The following EIF4A2 variants were observed in gnomAD, a reference collection of about 807,000 sequenced individuals.
EIF4A2 encodes the protein eukaryotic translation initiation factor 4A2, also known as eukaryotic initiation factor 4A-II.
In EIF4A2, 9 loss-of-function variants were observed where a neutral mutation model predicts 50.6. The ratio of observed to expected loss-of-function variants is 0.18; its 90% CI spans 0.11 to 0.31. The LOEUF (loss-of-function observed/expected upper bound fraction) is 0.31. Ranked by LOEUF, EIF4A2 falls within the 10% of genes least tolerant of loss-of-function variation. The probability of loss-of-function intolerance (pLI) is 1.00; values close to 1 mark genes in which losing one functional copy is unlikely to be tolerated. For synonymous variants in EIF4A2, 215 were observed against 164.4 expected, an observed-to-expected ratio of 1.31 and a Z score of -2.35; for missense variants, 182 against 501.8, an observed-to-expected ratio of 0.36 and a Z score of 6.09.
rs750299552 is a variant in EIF4A2 at position 186,787,103 on chromosome 3, AACTTT to A, written c.772-22_772-18del. ...GAGTTGGAAAAACTAAATGACTGTTAACTTTAACTTCTAAACATTACAGGAATGGA... is the reference window on the plus strand; with the variant it reads ...GAGTTGGAAAAACTAAATGACTGTTAAACTTCTAAACATTACAGGAATGGA... On this transcript the variant is annotated intron_variant, in intron 7 of 10. Coordinates refer to ENST00000323963, the MANE Select transcript of EIF4A2 (RefSeq NM_001967.4). 21 of 1,611,774 alleles carry A rather than the reference AACTTT, an allele frequency of 1.3e-5. No homozygotes were observed. The Middle Eastern group carries it at 6.1e-4, about 47-fold the overall frequency.
chr3:186,784,862 C>T (rs1721599794), intron 3 of EIF4A2, 100 bp from the exon 4 acceptor site: 6 of 1,604,748 alleles, frequency 3.7e-6, no homozygotes, highest in Non-Finnish European at 4.3e-6. Flanking sequence ...TTGCTGATCA[C>T]TTGATTATTT....
At chr3:186,785,346 C>G (rs944722241) in intron 4 of EIF4A2, 1 of 516,882 alleles carries the variant, frequency 1.9e-6, no homozygotes, top group Non-Finnish European at 3.3e-6. Context: ...GATCTGTCCC[C>G]ATTTTTTAAG....
chr3:186,787,702 T>TGG, intron 9 of EIF4A2, 101 bp from the exon 10 acceptor site: 1 of 1,575,212 alleles, frequency 6.3e-7, no homozygotes. Flanking sequence ...CACTCCACAG[T>TGG]GGGCTATACC....
rs759987412 is a variant in EIF4A2, at chr3:186,784,526, A to G, written c.76-38A>G. 3.1e-6 allele frequency: 5 copies of G among 1,614,210 alleles called. No individual in the cohort carries two copies. In the Admixed American group the frequency reaches 5.0e-5, roughly 16 times the overall value. ...AAGCTTTGGAAAGGTGAGTGTGTTC[A>G]TCTCATTTATGCGTGCATTATTTTT... is the stretch of plus-strand genomic sequence containing the variant. On this transcript the variant is annotated intron_variant, in intron 2 of 10. Transcript: ENST00000323963.
chr3:186,787,751 C>T, intron 9 of EIF4A2, 52 bp from the exon 10 acceptor site: 1 of 1,610,794 alleles, frequency 6.2e-7, no homozygotes, highest in Non-Finnish European at 8.5e-7. Context: ...GCCTACATGA[C>T]AGGTGTCAAG....
At position 186,789,874 on chromosome 3, in the gene EIF4A2, A is replaced by AC. The variant is rs1722013716; in HGVS notation, c.*605_*606insC. On this transcript the variant is annotated 3_prime_UTR_variant, in exon 11 of 11. Coordinates refer to ENST00000323963, the MANE Select transcript of EIF4A2 (RefSeq NM_001967.4). Reference sequence around the variant, plus strand: ...ATGTCTTAATGAAGTTTGAATGTTAAATAAATTGTATATTCACTTTAAAGG... The same window carrying AC: ...ATGTCTTAATGAAGTTTGAATGTTAACATAAATTGTATATTCACTTTAAAGG... 1 of 802,104 alleles carries AC rather than the reference A, an allele frequency of 1.2e-6. No homozygotes were observed. The highest frequency in any genetic ancestry group is 2.0e-6 in the Non-Finnish European group (1 of 500,030). 49.7% of individuals were successfully genotyped at this position (802,104 alleles called of 1,614,324 possible).
chr3:186,788,262 ATTGTACT>A, intron 10 of EIF4A2: 1 of 1,282,696 alleles, frequency 7.8e-7, no homozygotes, highest in Non-Finnish European at 1.0e-6. Context: ...AATAAATTGA[ATTGTACT>A]TTGTTATATG....
intron 6 of EIF4A2, 88 bp from the exon 7 acceptor site, chr3:186,786,414 G>C: frequency 6.4e-7 from 1 of 1,558,768 alleles, no homozygotes. Flanking sequence ...CCTTCATTCC[G>C]TAGTAAGACA....
In EIF4A2 at chr3:186,786,346, C is replaced by T. The variant is rs1285629049; in HGVS notation, c.627+73C>T. 4 of 1,524,658 alleles carry T rather than the reference C, an allele frequency of 2.6e-6. 1 individual carries two copies. In the South Asian group the frequency reaches 3.7e-5, roughly 14 times the overall value. 94.4% of individuals were successfully genotyped at this position (1,524,658 alleles called of 1,614,324 possible). On this transcript the variant is annotated intron_variant, in intron 6 of 10. Coordinates refer to ENST00000323963, the MANE Select transcript of EIF4A2 (RefSeq NM_001967.4). ...TAATGCAGGTACTGTTACAATACAA[C>T]TGATGTGTTTTGTTGTCGTTCCCCC... is the stretch of plus-strand genomic sequence containing the variant.
Position 186,789,439 on chromosome 3 carries a change from G to T in EIF4A2, c.*170G>T. The T allele has an allele frequency of 1.1e-6, 1 of 887,202 alleles. No individual in the cohort carries two copies. Among genetic ancestry groups the T allele is most frequent in the South Asian group, 2.2e-5 (1 of 45,284 alleles). 55.0% of individuals were successfully genotyped at this position (887,202 alleles called of 1,614,324 possible). A position where few individuals can be genotyped will look rare whatever the true frequency, so the allele number is the denominator to read the frequency against. On this transcript the variant is annotated 3_prime_UTR_variant, in exon 11 of 11. Transcript: ENST00000323963. ...GACGTTAGTCGTGAGCTCTTGTGAGGAAAGTCATTGGCTTTATCCTCTTTA... is the reference window on the plus strand; with the variant it reads ...GACGTTAGTCGTGAGCTCTTGTGAGTAAAGTCATTGGCTTTATCCTCTTTA...
chr3:186,784,425 TCAG>T lies in EIF4A2; in HGVS notation c.30-3_30-1del. 6.2e-7 allele frequency: 1 copy of T among 1,614,068 alleles called. No homozygotes were observed. The highest frequency in any genetic ancestry group is 8.5e-7 in the Non-Finnish European group (1 of 1,180,034). On this transcript the variant is annotated splice_polypyrimidine_tract_variant and splice_region_variant and intron_variant, in intron 1 of 10. Transcript: ENST00000323963. ...GGGGTGTCTGACTGCAGTATTCTTG[TCAG>T]CAGAGAACATGGCGGCCCAGAGGGA...
intron 1 of EIF4A2, chr3:186,783,986 C>T (rs919891230): frequency 9.2e-5 from 39 of 422,596 alleles, no homozygotes; most frequent in African/African-American, 7.6e-4. Flanking sequence ...TATTTTCGGT[C>T]ATCCACACGA....
At chr3:186,785,253 T>C in intron 4 of EIF4A2, 152 bp downstream of exon 4, 1 of 1,119,552 alleles carries the variant, frequency 8.9e-7, no homozygotes, top group South Asian at 1.6e-5. Flanking sequence ...TTGAAAGTTT[T>C]AAAAGAACTG....
rs904909816 is a variant in EIF4A2 at position 186,785,566 on chromosome 3, C to T, written c.349-317C>T. 5 of 332,644 alleles carry T rather than the reference C, an allele frequency of 1.5e-5. No individual in the cohort carries two copies. The East Asian group carries it at 1.5e-4, about 10-fold the overall frequency. The allele number at this position is 332,644 out of a possible 1,614,324, so 20.6% of individuals were successfully genotyped here. ...CTCTGGGGGAAAAAAATCATTTGCC[C>T]TAGCTGTAATTACAGAACATAAATT... On this transcript the variant is annotated intron_variant, in intron 4 of 10. Transcript: ENST00000323963.
At chr3:186,788,993 A>G in intron 10 of EIF4A2, 132 bp from the exon 11 acceptor site, 1 of 1,274,016 alleles carries the variant, frequency 7.8e-7, no homozygotes, top group Non-Finnish European at 1.1e-6. Flanking sequence ...ATTAGCAGCT[A>G]GTGCTCCAGT....
At chr3:186,787,982 A>T in intron 10 of EIF4A2, 100 bp downstream of exon 10, 1 of 1,254,784 alleles carries the variant, frequency 8.0e-7, no homozygotes, top group South Asian at 1.3e-5. Context: ...AGATTCAGTA[A>T]AGTCAGTAGT....
Position 186,789,676 on chromosome 3 carries a change from A to AGAAATTTGTCATTAGCCT in EIF4A2, c.*408_*409insAAATTTGTCATTAGCCTG. On this transcript the variant is annotated 3_prime_UTR_variant, in exon 11 of 11. Coordinates refer to ENST00000323963, the MANE Select transcript of EIF4A2 (RefSeq NM_001967.4). ...CTTTATTGTGTTTGTCATTAGCCTG[A>AGAAATTTGTCATTAGCCT]GTAGAAAGGCCTTTAAAATTTTTTT... 1 of 369,012 alleles carries AGAAATTTGTCATTAGCCT rather than the reference A, an allele frequency of 2.7e-6. No homozygotes were observed. The highest frequency in any genetic ancestry group is 4.9e-6 in the Non-Finnish European group (1 of 203,846). 22.9% of individuals were successfully genotyped at this position (369,012 alleles called of 1,614,324 possible).
Position 186,786,549 on chromosome 3 carries a change from C to CA in EIF4A2, c.681dup (p.Phe228IlefsTer18). The CA allele has an allele frequency of 6.2e-7, 1 of 1,613,028 alleles. No homozygotes were observed. Reference sequence around the variant, plus strand: ...TGCCAACTGATGTGTTGGAAGTGACCAAAAAATTCATGAGAGATCCAATTC... The same window carrying CA: ...TGCCAACTGATGTGTTGGAAGTGACCAAAAAAATTCATGAGAGATCCAATTC... On this transcript the variant is annotated frameshift_variant, in exon 7 of 11. Transcript: ENST00000323963. LOFTEE classifies it high-confidence loss of function.
intron 4 of EIF4A2, 156 bp downstream of exon 4, chr3:186,785,257 A>C: frequency 9.5e-7 from 1 of 1,058,134 alleles, no homozygotes; most frequent in South Asian, 1.6e-5. Flanking sequence ...AAGTTTTAAA[A>C]GAACTGGGTA....
Sources: allele counts gnomAD v4.1 joint callset, GRCh38; gene constraint gnomAD v4.1.1; transcripts MANE v1.5; gene names NCBI Gene and HGNC (gene_info 2026-07-23, HGNC 2026-07-21).